ANK1: variants seen among roughly 807,000 people sequenced by gnomAD.
ANK1 encodes ankyrin 1.
ANK1 carries 51 observed loss-of-function variants against 210.4 expected under a neutral mutation model. The ratio of observed to expected loss-of-function variants is 0.24; its 90% CI spans 0.19 to 0.31. The LOEUF (loss-of-function observed/expected upper bound fraction) is 0.31, where lower values mean the gene tolerates loss of function less well. Among genes scored for constraint, ANK1 ranks in the 10% least tolerant of loss-of-function variants. The pLI, the probability that ANK1 is intolerant of heterozygous loss-of-function variation, is 1.00. For missense variants in ANK1, 2,051 were observed against 2,504.4 expected (o/e 0.82, Z 3.86); for synonymous variants, 967 against 1,025.9 (o/e 0.94, Z 1.10).
Position 41,690,270 on chromosome 8 carries a change from T to G in ANK1, c.4061A>C (p.His1354Pro), listed in dbSNP as rs760924861. 6.2e-7 allele frequency: 1 copy of G among 1,614,230 alleles called. No homozygotes were observed. Among genetic ancestry groups the G allele is most frequent in the Non-Finnish European group, 8.5e-7 (1 of 1,180,048 alleles). The change falls in exon 33 of 43, where the codon CAC becomes CCC. Residue 1354 changes from histidine (H) to proline (P), a missense_variant. By Grantham distance (77) the His-to-Pro change is moderately conservative (BLOSUM62 -2). Transcript: ENST00000289734. ...RKAMKYEDTQ[H>P]ILCHLNITMP... is the part of the protein sequence containing the mutation. ...GGTGATGTTCAGGTGGCAGAGAATG[T>G]GCTGGGTGTCCTCGTACTTCATCGC...
intron 1 of ANK1, among the ~76,000 whole-genome samples, chr8:41,856,780 A>G (rs1437939523): frequency 6.6e-6 from 1 of 152,084 alleles, no homozygotes; most frequent in Non-Finnish European, 1.5e-5. Context: ...AAAAAAATTG[A>G]AATCCAAAAC....
intron 1 of ANK1, among the ~76,000 whole-genome samples, chr8:41,865,012 T>C (rs2150820983): frequency 6.6e-6 from 1 of 152,294 alleles, no homozygotes; most frequent in East Asian, 1.9e-4. Flanking sequence ...TCCAGAAGCC[T>C]TGAGGCTCCA....
At chr8:41,695,137 C>T (rs765851422) in intron 27 of ANK1, 40 bp downstream of exon 27, 38 of 1,612,968 alleles carry the variant, frequency 2.4e-5, no homozygotes, top group East Asian at 1.1e-4. Flanking sequence ...ACCCCTCTTC[C>T]GCAAGGAGGG....
chr8:41,848,625 T>G (rs924434367), intron 1 of ANK1, among the ~76,000 whole-genome samples: 2 of 152,208 alleles, frequency 1.3e-5, no homozygotes, highest in East Asian at 3.8e-4. Context: ...GGGGGATAAA[T>G]GGATCTTCTC....
At chr8:41,725,173 A>T (rs1282300780) in intron 6 of ANK1, among the ~76,000 whole-genome samples, 1 of 152,124 alleles carries the variant, frequency 6.6e-6, no homozygotes, top group South Asian at 2.1e-4. Flanking sequence ...AACCCCACCC[A>T]GGTGTTTTCC....
At chr8:41,864,621 A>G (rs898833861) in intron 1 of ANK1, among the ~76,000 whole-genome samples, 2 of 152,212 alleles carry the variant, frequency 1.3e-5, no homozygotes, top group African/African-American at 2.4e-5. Context: ...CAGTTACTGC[A>G]TCATAAATAA....
intron 2 of ANK1, among the ~76,000 whole-genome samples, chr8:41,756,979 A>T (rs534591335): frequency 6.6e-6 from 1 of 152,326 alleles, no homozygotes; most frequent in East Asian, 1.9e-4. Context: ...TGAGGTCCCT[A>T]TAGTAGTAAA....
At chr8:41,767,358 G>C (rs1842066163) in intron 1 of ANK1, among the ~76,000 whole-genome samples, 1 of 151,664 alleles carries the variant, frequency 6.6e-6, no homozygotes, top group Non-Finnish European at 1.5e-5. Flanking sequence ...GTCTGGCCCG[G>C]ACCTGCCCTG....
chr8:41,738,366 T>C (rs1387301108), intron 2 of ANK1, among the ~76,000 whole-genome samples: 2 of 152,174 alleles, frequency 1.3e-5, no homozygotes, highest in Non-Finnish European at 2.9e-5. Flanking sequence ...TGGCTGCGTC[T>C]ACCTACCTAA....
chr8:41,827,320 T>A (rs1272174940), intron 1 of ANK1, among the ~76,000 whole-genome samples: 1 of 152,250 alleles, frequency 6.6e-6, no homozygotes, highest in East Asian at 1.9e-4. Context: ...TTCCCCTTGC[T>A]GGTGTGAATG....
At chr8:41,768,087 T>C (rs898170676) in intron 1 of ANK1, among the ~76,000 whole-genome samples, 2 of 152,214 alleles carry the variant, frequency 1.3e-5, no homozygotes, top group African/African-American at 4.8e-5. Context: ...GTCCGTGCAG[T>C]AAGCAACCAG....
At chr8:41,719,587 C>G (rs1393957395) in intron 10 of ANK1, 74 bp downstream of exon 10, 1 of 1,596,788 alleles carries the variant, frequency 6.3e-7, no homozygotes, top group African/African-American at 1.3e-5. Context: ...CCCACAGGCC[C>G]AGCCATGCCT....
intron 38 of ANK1, among the ~76,000 whole-genome samples, chr8:41,671,424 C>G (rs1020346875): frequency 2.6e-5 from 4 of 152,140 alleles, no homozygotes; most frequent in Non-Finnish European, 5.9e-5. Context: ...AGAGGAGCTC[C>G]GAACGCCAGC....
rs768426752 is a variant in ANK1, at chr8:41,708,954, T to C, written c.1822A>G (p.Ile608Val). 1.2e-6 allele frequency: 2 copies of C among 1,614,004 alleles called. No individual in the cohort carries two copies. Among genetic ancestry groups the C allele is most frequent in the Non-Finnish European group, 1.7e-6 (2 of 1,180,008 alleles). Residue 608 changes from isoleucine to valine, a missense_variant, in exon 17 of 43, where the codon ATC (isoleucine) becomes GTC (valine). Ile to Val is a conservative substitution (Grantham distance 29). This residue lies in a region of ANK1 where 1,413 missense variants were observed against 1,707.4 expected (regional missense o/e 0.83). Coordinates refer to ENST00000289734, the MANE Select transcript of ANK1 (RefSeq NM_000037.4). ...TCCACCTGGTTCTGCTTGGCAGCGA[T>C]GTGCAAAGGGGTGTAGCCATTCTGA... ...PAWNGYTPLH[I>V]AAKQNQVEVA...
At chr8:41,680,237 C>T (rs557150518) in intron 37 of ANK1, among the ~76,000 whole-genome samples, 13 of 152,252 alleles carry the variant, frequency 8.5e-5, no homozygotes, top group Non-Finnish European at 1.5e-4. Context: ...GAGACTTCCA[C>T]GGCATTTGCT....
At chr8:41,786,435 A>C (rs569459559) in intron 1 of ANK1, among the ~76,000 whole-genome samples, 1 of 152,352 alleles carries the variant, frequency 6.6e-6, no homozygotes, top group Admixed American at 6.5e-5. Context: ...AAACAAGTAA[A>C]GCAAAGATCT....
intron 1 of ANK1, among the ~76,000 whole-genome samples, chr8:41,835,657 C>T (rs1196639668): frequency 5.9e-5 from 9 of 152,174 alleles, no homozygotes; most frequent in Admixed American, 5.9e-4. Flanking sequence ...TGCTTCTGTG[C>T]AGCCTGCACC....
At chr8:41,719,955 A>C in intron 9 of ANK1, 97 bp from the exon 10 acceptor site, 1 of 1,392,870 alleles carries the variant, frequency 7.2e-7, no homozygotes, top group Non-Finnish European at 1.0e-6. Context: ...CTTCTTCCCT[A>C]CACAATGTTT....
intron 1 of ANK1, among the ~76,000 whole-genome samples, chr8:41,881,643 G>A (rs1817603603): frequency 6.6e-6 from 1 of 152,106 alleles, no homozygotes; most frequent in Admixed American, 6.5e-5. Context: ...TTTCCTCTTA[G>A]GTACTTATTT....
Sources: allele counts gnomAD v4.1 joint callset (sites outside exome capture counted in the v4.1 genomes callset), GRCh38; gene constraint gnomAD v4.1.1; regional missense constraint gnomAD v4.1.1; transcripts MANE v1.5; gene names NCBI Gene and HGNC (gene_info 2026-07-23, HGNC 2026-07-21).